ZPBP: variants seen among roughly 807,000 people sequenced by gnomAD.
ZPBP encodes zona pellucida binding protein.
ZPBP carries 26 observed loss-of-function variants against 44.8 expected under a neutral mutation model. The observed-to-expected ratio is 0.58, with a 90% CI of 0.43 to 0.81. The LOEUF (loss-of-function observed/expected upper bound fraction) is 0.81, where lower values mean the gene tolerates loss of function less well. Among genes scored for constraint, ZPBP ranks in the 30% least tolerant of loss-of-function variants. ZPBP has a pLI of 0.00. For missense variants in ZPBP, 409 were observed against 434.0 expected (o/e 0.94, Z 0.51); for synonymous variants, 174 against 153.2 (o/e 1.14, Z -1.00).
chr7:49,888,919 AC>A (rs1792015244), intron 2 of ZPBP, among the ~76,000 whole-genome samples: 2 of 152,060 alleles, frequency 1.3e-5, no homozygotes, highest in South Asian at 4.1e-4. Context: ...CTCAAAAAAA[AC>A]AAAAACAAAA....
intron 2 of ZPBP, among the ~76,000 whole-genome samples, chr7:49,892,245 A>G (rs1792173833): frequency 1.3e-5 from 2 of 151,434 alleles, no homozygotes; most frequent in South Asian, 4.2e-4. Context: ...ACGGGGTTTC[A>G]CCGTGTTAGC....
chr7:49,978,528 T>C (rs1163500594), intron 7 of ZPBP, among the ~76,000 whole-genome samples: 1 of 152,096 alleles, frequency 6.6e-6, no homozygotes, highest in Non-Finnish European at 1.5e-5. Context: ...TTTCACCTAC[T>C]ACGGAGAAAG....
intron 2 of ZPBP, among the ~76,000 whole-genome samples, chr7:50,088,095 A>G (rs952515141): frequency 6.6e-6 from 1 of 152,094 alleles, no homozygotes; most frequent in Non-Finnish European, 1.5e-5. Context: ...AATCAATGGT[A>G]TAGAATTTAA....
chr7:49,878,276 C>G (rs1424272109), intron 2 of ZPBP, among the ~76,000 whole-genome samples: 2 of 152,158 alleles, frequency 1.3e-5, no homozygotes, highest in Non-Finnish European at 2.9e-5. Context: ...TTTCTGCAGA[C>G]AGCAGTCACT....
intron 6 of ZPBP, among the ~76,000 whole-genome samples, chr7:49,989,460 G>T (rs1225139612): frequency 6.6e-6 from 1 of 152,122 alleles, no homozygotes; most frequent in East Asian, 1.9e-4. Flanking sequence ...AATCCAAAAG[G>T]TCTATGTAAA....
intron 6 of ZPBP, among the ~76,000 whole-genome samples, chr7:49,997,867 A>C (rs548292572): frequency 1.2e-4 from 19 of 152,028 alleles, no homozygotes; most frequent in South Asian, 2.1e-4. Flanking sequence ...TCCCCATCCC[A>C]CCTTAAAGGA....
At chr7:49,967,766 G>T (rs1796120138) in intron 7 of ZPBP, among the ~76,000 whole-genome samples, 1 of 152,084 alleles carries the variant, frequency 6.6e-6, no homozygotes, top group Admixed American at 6.5e-5. Context: ...GGCTGGTCTT[G>T]AACTCCTGAC....
At chr7:50,078,702 A>G (rs1280093090) in intron 3 of ZPBP, among the ~76,000 whole-genome samples, 1 of 151,720 alleles carries the variant, frequency 6.6e-6, no homozygotes, top group Non-Finnish European at 1.5e-5. Flanking sequence ...GACAAACAAA[A>G]ACAGACAAGT....
chr7:49,960,537 G>A (rs529467507), intron 7 of ZPBP, among the ~76,000 whole-genome samples: 3 of 151,948 alleles, frequency 2.0e-5, no homozygotes. Context: ...ATATATTTAT[G>A]CAACTTTTTA....
chr7:49,982,149 T>G (rs1317289031), intron 7 of ZPBP, among the ~76,000 whole-genome samples: 1 of 89,300 alleles, frequency 1.1e-5, no homozygotes, highest in African/African-American at 4.6e-5. Flanking sequence ...ATATAAAATA[T>G]ATAATATATA....
intron 2 of ZPBP, among the ~76,000 whole-genome samples, chr7:49,862,976 C>T (rs527665525): frequency 1.5e-4 from 23 of 152,274 alleles, no homozygotes; most frequent in African/African-American, 5.1e-4. Context: ...ATGCTGGCCT[C>T]TTACAGTGAG....
chr7:50,000,086 C>T (rs1798028551), intron 6 of ZPBP, among the ~76,000 whole-genome samples: 1 of 151,792 alleles, frequency 6.6e-6, no homozygotes, highest in African/African-American at 2.4e-5. Context: ...TACCAGTAGA[C>T]TGTGATAAGG....
chr7:50,057,903 G>A, intron 4 of ZPBP, 86 bp downstream of exon 4: 1 of 1,253,246 alleles, frequency 8.0e-7, no homozygotes, highest in Non-Finnish European at 1.1e-6. Context: ...AAATAACAAA[G>A]TCCCTTTAAG....
intron 3 of ZPBP, among the ~76,000 whole-genome samples, chr7:50,058,955 T>C (rs980738226): frequency 6.6e-6 from 1 of 152,182 alleles, no homozygotes; most frequent in Non-Finnish European, 1.5e-5. Context: ...GTTCCCTCAT[T>C]TGTACAATGA....
At chr7:50,027,970 A>C (rs1348971166) in intron 5 of ZPBP, among the ~76,000 whole-genome samples, 2 of 152,058 alleles carry the variant, frequency 1.3e-5, no homozygotes, top group Admixed American at 1.3e-4. Context: ...TCAGTGATTA[A>C]TTCTATCAGT....
At chr7:49,927,778 A>T (rs554208444) in intron 1 of ZPBP, among the ~76,000 whole-genome samples, 29 of 152,318 alleles carry the variant, frequency 1.9e-4, no homozygotes, top group African/African-American at 6.7e-4. Context: ...AATGAATTAC[A>T]TGAGTATGAG....
At position 49,983,399 on chromosome 7, in the gene ZPBP, A is replaced by G; in HGVS notation, c.904T>C (p.Cys302Arg). Residue 302 changes from cysteine (C) to arginine (R), a missense_variant, in exon 7 of 8, where the codon TGC becomes CGC. Around this residue, in one of 2 missense-constraint regions of ZPBP, gnomAD observed 42 missense variants for 71.0 expected, o/e 0.59. Coordinates refer to ENST00000046087, the MANE Select transcript of ZPBP (RefSeq NM_007009.3). The part of the protein sequence containing the change: ...GTLQMVWINR[C>R]FPGYGMNVQQ... ...ACATTCATTCCATATCCTGGAAAGC[A>G]GCGATTAATCCAAACCATTTGGAGA... 6.2e-7 allele frequency: 1 copy of G among 1,613,564 alleles called. No homozygotes were observed. The highest frequency in any genetic ancestry group is 1.1e-5 in the South Asian group (1 of 91,066).
chr7:50,032,146 C>A (rs1799634229), intron 4 of ZPBP, among the ~76,000 whole-genome samples: 1 of 152,224 alleles, frequency 6.6e-6, no homozygotes, highest in East Asian at 1.9e-4. Context: ...GGAGTAGAGA[C>A]CAGACAGCTT....
downstream of ZPBP, among the ~76,000 whole-genome samples, chr7:49,933,070 A>G (rs1794500904): frequency 1.3e-5 from 2 of 152,186 alleles, no homozygotes; most frequent in African/African-American, 4.8e-5. Flanking sequence ...CTAATAGACC[A>G]TATTATAGTT....
Sources: allele counts gnomAD v4.1 joint callset (sites outside exome capture counted in the v4.1 genomes callset), GRCh38; gene constraint gnomAD v4.1.1; regional missense constraint gnomAD v4.1.1; transcripts MANE v1.5; gene names NCBI Gene and HGNC (gene_info 2026-07-23, HGNC 2026-07-21).